PRORP: variants seen among roughly 807,000 people sequenced by gnomAD.
The protein encoded by PRORP is mitochondrial ribonuclease P catalytic subunit.
A neutral mutation model predicts 59.4 loss-of-function variants in PRORP; 51 were observed. The observed-to-expected ratio is 0.86, with a 90% CI of 0.69 to 1.08. The LOEUF (loss-of-function observed/expected upper bound fraction) is 1.08, where lower values mean the gene tolerates loss of function less well. Ranked by LOEUF, PRORP falls within the 50% of genes least tolerant of loss-of-function variation. The pLI, the probability that PRORP is intolerant of heterozygous loss-of-function variation, is 0.00. For synonymous variants in PRORP, 231 were observed against 245.6 expected (o/e 0.94, Z 0.55); for missense variants, 646 against 690.3 (o/e 0.94, Z 0.72).
chr14:35,203,003 TG>T (rs1170419103), intron 5 of PRORP, among the ~76,000 whole-genome samples: 1 of 152,180 alleles, frequency 6.6e-6, no homozygotes, highest in African/African-American at 2.4e-5. Flanking sequence ...AATAAAATGT[TG>T]GTTTTTGATA....
chr14:35,228,469 C>T (rs1013134668), intron 5 of PRORP, among the ~76,000 whole-genome samples: 2 of 152,284 alleles, frequency 1.3e-5, no homozygotes, highest in African/African-American at 4.8e-5. Flanking sequence ...TCCATCTCCC[C>T]GCTAGTAGTC....
chr14:35,174,086 T>A (rs1300284808), intron 4 of PRORP, among the ~76,000 whole-genome samples: 1 of 152,134 alleles, frequency 6.6e-6, no homozygotes, highest in Non-Finnish European at 1.5e-5. Context: ...AATCACATAA[T>A]GTCACTTCTG....
At chr14:35,207,470 G>C (rs1419177482) in intron 5 of PRORP, among the ~76,000 whole-genome samples, 1 of 152,142 alleles carries the variant, frequency 6.6e-6, no homozygotes, top group African/African-American at 2.4e-5. Flanking sequence ...TTAAAGAGGA[G>C]GGTGTCTGTA....
At chr14:35,258,730 G>T (rs959361886) in intron 5 of PRORP, among the ~76,000 whole-genome samples, 3 of 152,070 alleles carry the variant, frequency 2.0e-5, no homozygotes, top group Non-Finnish European at 4.4e-5. Context: ...TTAGTTCTGG[G>T]ATCAGTTTGG....
At chr14:35,248,780 G>T (rs2050544170) in intron 5 of PRORP, among the ~76,000 whole-genome samples, 1 of 152,218 alleles carries the variant, frequency 6.6e-6, no homozygotes, top group African/African-American at 2.4e-5. Context: ...CTATGTCTGG[G>T]ACAGGGATTC....
intron 4 of PRORP, among the ~76,000 whole-genome samples, chr14:35,160,777 G>A (rs1473610467): frequency 6.6e-6 from 1 of 152,184 alleles, no homozygotes; most frequent in African/African-American, 2.4e-5. Flanking sequence ...AGTTTGTTTT[G>A]AGGATAGATC....
In PRORP at chr14:35,123,122, C is replaced by G; in HGVS notation, c.-124C>G. The G allele has an allele frequency of 1.0e-6, 1 of 1,002,376 alleles. No individual in the cohort carries two copies. Among genetic ancestry groups the G allele is most frequent in the Non-Finnish European group, 1.5e-6 (1 of 688,246 alleles). The allele number at this position is 1,002,376 out of a possible 1,614,324, so 62.1% of individuals were successfully genotyped here. A position where few individuals can be genotyped will look rare whatever the true frequency, so the allele number is the denominator to read the frequency against. ...CCTTGATTTGTCTGTAAGGAAGAAA[C>G]ACAAACCTTTTAAAAAGTTCCACTT... On this transcript the variant is annotated 5_prime_UTR_variant, in exon 2 of 8. Transcript: ENST00000534898.
At chr14:35,237,728 G>A (rs1451358927) in intron 5 of PRORP, among the ~76,000 whole-genome samples, 1 of 152,012 alleles carries the variant, frequency 6.6e-6, no homozygotes, top group Admixed American at 6.6e-5. Flanking sequence ...GTGCTATCTC[G>A]GCTCACTGCA....
At position 35,194,927 on chromosome 14, in the gene PRORP, ATC is replaced by A. The variant is rs1271491537; in HGVS notation, c.1275+14152_1275+14153del. Among the ~76,000 whole-genome samples, 18 of 152,318 alleles carry A rather than the reference ATC, an allele frequency of 1.2e-4. 1 individual carries two copies. Among genetic ancestry groups the A allele is most frequent in the Middle Eastern group, 3.4e-3 (1 of 294 alleles). ...GTAAAGAAAATCGTAAATTGTAACT[ATC>A]TGCATAATTAAGAAGGCAAGAAAAT... is the stretch of plus-strand genomic sequence containing the variant. On this transcript the variant is annotated intron_variant, in intron 5 of 7. Transcript: ENST00000534898.
At chr14:35,218,304 T>A (rs2049659636) in intron 5 of PRORP, among the ~76,000 whole-genome samples, 1 of 150,824 alleles carries the variant, frequency 6.6e-6, no homozygotes, top group Non-Finnish European at 1.5e-5. Context: ...TACAAAAAAA[T>A]TAAAAAATTG....
intron 4 of PRORP, among the ~76,000 whole-genome samples, chr14:35,178,571 C>T (rs1400329794): frequency 6.6e-6 from 1 of 152,006 alleles, no homozygotes; most frequent in Non-Finnish European, 1.5e-5. Context: ...CAACCTCTGC[C>T]TTTTTTTGTT....
At chr14:35,209,614 G>A (rs1313873423) in intron 5 of PRORP, among the ~76,000 whole-genome samples, 3 of 152,036 alleles carry the variant, frequency 2.0e-5, no homozygotes, top group African/African-American at 7.2e-5. Context: ...TGCAGTGGCT[G>A]CAACCTCTGC....
chr14:35,167,425 A>C (rs982811499), intron 4 of PRORP, among the ~76,000 whole-genome samples: 3 of 152,198 alleles, frequency 2.0e-5, no homozygotes, highest in Non-Finnish European at 4.4e-5. Flanking sequence ...TTGTCTCAAT[A>C]AATTACCATT....
In PRORP at chr14:35,228,101, C is replaced by T. The variant is rs145381431; in HGVS notation, c.1276-38626C>T. On this transcript the variant is annotated intron_variant, in intron 5 of 7. Transcript: ENST00000534898. ...GAGGTTGCAGTGAGCCAAGATCGCG[C>T]CACTGCACTCCAGCCTGGGCGATAG... is the stretch of plus-strand genomic sequence containing the variant. Among the ~76,000 whole-genome samples the T allele has an allele frequency of 6.1e-3, 929 of 152,248 alleles. 16 individuals are homozygous for T. Among genetic ancestry groups the T allele is most frequent in the African/African-American group, 0.02 (844 of 41,538 alleles).
intron 4 of PRORP, among the ~76,000 whole-genome samples, chr14:35,139,918 T>C (rs947289511): frequency 2.7e-5 from 4 of 145,760 alleles, no homozygotes; most frequent in Non-Finnish European, 3.1e-5. Flanking sequence ...TTGATGGTGT[T>C]CCTTGGCTTT....
chr14:35,134,248 G>A (rs576096165), intron 4 of PRORP, among the ~76,000 whole-genome samples: 46 of 151,940 alleles, frequency 3.0e-4, no homozygotes, highest in African/African-American at 9.9e-4. Context: ...GAGCCCCACC[G>A]TGTGGCCACC....
chr14:35,153,014 CG>C (rs1274152657), intron 4 of PRORP, among the ~76,000 whole-genome samples: 8 of 152,238 alleles, frequency 5.3e-5, no homozygotes, highest in African/African-American at 1.7e-4. Flanking sequence ...GCTGTAATCT[CG>C]GCACTTTGGG....
At chr14:35,142,373 C>T (rs1406822158) in intron 4 of PRORP, among the ~76,000 whole-genome samples, 6 of 129,682 alleles carry the variant, frequency 4.6e-5, no homozygotes, top group Middle Eastern at 4.2e-3. Context: ...CAAGAGATGA[C>T]GCCTTGCTCT....
At chr14:35,148,115 A>G (rs1320177123) in intron 4 of PRORP, among the ~76,000 whole-genome samples, 2 of 151,840 alleles carry the variant, frequency 1.3e-5, no homozygotes, top group East Asian at 3.9e-4. Flanking sequence ...TGATATTTCA[A>G]CCTCTTTCCA....
Sources: allele counts gnomAD v4.1 joint callset (sites outside exome capture counted in the v4.1 genomes callset), GRCh38; gene constraint gnomAD v4.1.1; transcripts MANE v1.5; gene names NCBI Gene and HGNC (gene_info 2026-07-23, HGNC 2026-07-21).